ODR4: variants seen among roughly 807,000 people sequenced by gnomAD.
The protein encoded by ODR4 is odr-4 GPCR localization factor homolog.
ODR4 carries 47 observed loss-of-function variants against 60.2 expected under a neutral mutation model. The observed-to-expected ratio is 0.78, with a 90% CI of 0.62 to 1.00. The LOEUF is 1.00. ODR4 is among the 50% of genes least tolerant of loss of function. The probability of loss-of-function intolerance (pLI) is 0.00; values close to 1 mark genes in which losing one functional copy is unlikely to be tolerated. For synonymous variants in ODR4, 178 were observed against 175.5 expected, an observed-to-expected ratio of 1.01 and a Z score of -0.11; for missense variants, 488 against 530.8, an observed-to-expected ratio of 0.92 and a Z score of 0.79.
intron 3 of ODR4, among the ~76,000 whole-genome samples, chr1:186,385,017 G>A (rs550591849): frequency 1.3e-5 from 2 of 151,968 alleles, no homozygotes; most frequent in African/African-American, 4.8e-5. Flanking sequence ...ACAATCATGT[G>A]AAGGGAAATA....
chr1:186,389,509 A>G, intron 5 of ODR4, 79 bp from the exon 6 acceptor site: 1 of 1,133,048 alleles, frequency 8.8e-7, no homozygotes. Flanking sequence ...TGCATTTTTT[A>G]GTTTATTTTT....
At chr1:186,382,115 T>TC (rs1173895602) in intron 2 of ODR4, among the ~76,000 whole-genome samples, 3 of 151,970 alleles carry the variant, frequency 2.0e-5, no homozygotes, top group Non-Finnish European at 4.4e-5. Context: ...ATATTACAGC[T>TC]GAAGAACAGA....
intron 8 of ODR4, 25 bp downstream of exon 8, chr1:186,391,816 T>C: frequency 1.4e-6 from 2 of 1,397,808 alleles, no homozygotes; most frequent in Non-Finnish European, 2.0e-6. Flanking sequence ...AATCATCTTA[T>C]TAAATTGTTA....
Position 186,383,120 on chromosome 1 carries a change from C to A in ODR4, c.198C>A (p.Asn66Lys). The part of the protein sequence containing the change: ...NLKHPKAKLD[N>K]LDEEWATEHA... The stretch of plus-strand genomic sequence containing the variant: ...AACATCCCAAAGCTAAGTTGGATAA[C>A]TTGGATGAAGAATGGGCCACAGAAC... The change falls in exon 3 of 14, where the codon AAC becomes AAA. Residue 66 changes from asparagine to lysine, a missense_variant. Coordinates refer to ENST00000287859, the MANE Select transcript of ODR4 (RefSeq NM_017847.6). 1 of 1,556,404 alleles carries A rather than the reference C, an allele frequency of 6.4e-7. No homozygotes were observed. Among genetic ancestry groups the A allele is most frequent in the Non-Finnish European group, 8.7e-7 (1 of 1,149,342 alleles).
At chr1:186,390,680 A>T in intron 6 of ODR4, 31 bp from the exon 7 acceptor site, 1 of 1,608,530 alleles carries the variant, frequency 6.2e-7, no homozygotes, top group Non-Finnish European at 8.5e-7. Context: ...AGACTACATC[A>T]TAGTTATTTT....
At chr1:186,380,616 G>A (rs983948283) in intron 2 of ODR4, among the ~76,000 whole-genome samples, 3 of 149,986 alleles carry the variant, frequency 2.0e-5, no homozygotes, top group Non-Finnish European at 3.0e-5. Flanking sequence ...CAAGCTGACT[G>A]TGTCCATCCA....
intron 5 of ODR4, among the ~76,000 whole-genome samples, chr1:186,389,095 G>A (rs553106120): frequency 6.6e-6 from 1 of 151,794 alleles, no homozygotes; most frequent in Admixed American, 6.6e-5. Context: ...CACGATCCAT[G>A]GACTTCCAAA....
chr1:186,410,300 T>C (rs1024380892), intron 12 of ODR4, among the ~76,000 whole-genome samples: 3 of 152,230 alleles, frequency 2.0e-5, no homozygotes, highest in Non-Finnish European at 4.4e-5. Flanking sequence ...TATGGCTCAG[T>C]AGTTCAGAAC....
chr1:186,387,949 A>G (rs1660315530), intron 4 of ODR4, among the ~76,000 whole-genome samples: 1 of 152,166 alleles, frequency 6.6e-6, no homozygotes, highest in Non-Finnish European at 1.5e-5. Context: ...TGTGACGTTT[A>G]AATAAGAAAT....
At chr1:186,379,937 T>C in intron 2 of ODR4, 53 bp downstream of exon 2, 1 of 1,060,630 alleles carries the variant, frequency 9.4e-7, no homozygotes, top group East Asian at 2.7e-5. Context: ...TGTAATTTAT[T>C]TTAAAAATTA....
chr1:186,379,962 G>C, intron 2 of ODR4, 78 bp downstream of exon 2: 1 of 819,588 alleles, frequency 1.2e-6, no homozygotes, highest in Non-Finnish European at 1.8e-6. Flanking sequence ...TTGATTTAAA[G>C]TTAAAAGATG....
At chr1:186,404,107 A>C (rs538647756) in intron 11 of ODR4, among the ~76,000 whole-genome samples, 1 of 152,310 alleles carries the variant, frequency 6.6e-6, no homozygotes, top group East Asian at 1.9e-4. Context: ...ACCAATAGAA[A>C]CCCAATTCTT....
At chr1:186,405,629 C>T (rs1012642435) in intron 11 of ODR4, among the ~76,000 whole-genome samples, 13 of 152,150 alleles carry the variant, frequency 8.5e-5, no homozygotes, top group East Asian at 5.8e-4. Context: ...CTTGGCTCAC[C>T]GCAACCTCCA....
chr1:186,406,765 T>G (rs551180003), intron 12 of ODR4, among the ~76,000 whole-genome samples: 1 of 152,144 alleles, frequency 6.6e-6, no homozygotes, highest in Non-Finnish European at 1.5e-5. Context: ...ATGACTTTTA[T>G]AGAGCATAGA....
At chr1:186,389,680 A>C in intron 6 of ODR4, 56 bp downstream of exon 6, 1 of 1,262,812 alleles carries the variant, frequency 7.9e-7, no homozygotes. Flanking sequence ...TTCAATCAAA[A>C]TTCAGCTTTT....
intron 12 of ODR4, 127 bp from the exon 13 acceptor site, chr1:186,417,417 G>GT (rs1279002024): frequency 6.1e-6 from 4 of 656,366 alleles, no homozygotes; most frequent in Non-Finnish European, 1.1e-5. Context: ...AATTCAGTAT[G>GT]TTATATAAAA....
intron 8 of ODR4, among the ~76,000 whole-genome samples, chr1:186,393,260 A>G (rs945824797): frequency 5.3e-5 from 8 of 152,216 alleles, no homozygotes; most frequent in African/African-American, 1.7e-4. Flanking sequence ...AAATCTGCAC[A>G]TGTACTCATG....
chr1:186,382,007 C>CT lies in ODR4; in HGVS notation c.100-1008dup, dbSNP rs549355616. On this transcript the variant is annotated intron_variant, in intron 2 of 13. Coordinates refer to ENST00000287859, the MANE Select transcript of ODR4 (RefSeq NM_017847.6). Reference sequence around the variant, plus strand: ...TTGCATTAGCAGTGTTATTTTCACTCTTTTTTTATAGGAAACTTTCACTGT... The same window carrying CT: ...TTGCATTAGCAGTGTTATTTTCACTCTTTTTTTTATAGGAAACTTTCACTGT... 5.4e-3 allele frequency among the ~76,000 whole-genome samples: 824 copies of CT among 152,140 alleles called. 3 individuals carry two copies. The highest frequency in any genetic ancestry group is 0.019 in the African/African-American group (770 of 41,500).
chr1:186,395,054 T>G (rs1038916439), intron 9 of ODR4, among the ~76,000 whole-genome samples: 1 of 152,152 alleles, frequency 6.6e-6, no homozygotes, highest in Non-Finnish European at 1.5e-5. Context: ...TATAGAGAGA[T>G]GAGTGGAAGA....
Sources: gnomAD v4.1 joint callset for allele counts (sites outside exome capture counted in the v4.1 genomes callset) on GRCh38, gnomAD v4.1.1 for gene constraint, MANE v1.5 for transcripts, NCBI Gene and HGNC (gene_info 2026-07-23, HGNC 2026-07-21) for gene names.